Variants in PIWIL4 observed in about 807,000 individuals in gnomAD.
PIWIL4 encodes the protein piwi-like protein 4.
Under a neutral mutation model 100.9 loss-of-function variants are expected in PIWIL4, and 50 were observed. The ratio of observed to expected loss-of-function variants is 0.50; its 90% CI spans 0.39 to 0.63. The LOEUF is 0.63. Ranked by LOEUF, PIWIL4 falls within the 20% of genes least tolerant of loss-of-function variation. The pLI is 0.00. For missense variants in PIWIL4, 887 were observed against 1,043.3 expected, an observed-to-expected ratio of 0.85 and a Z score of 2.06; for synonymous variants, 342 against 367.5, an observed-to-expected ratio of 0.93 and a Z score of 0.79.
intron 16 of PIWIL4, among the ~76,000 whole-genome samples, chr11:94,617,551 ATATT>A (rs1167044604): frequency 6.6e-6 from 1 of 152,178 alleles, no homozygotes; most frequent in Non-Finnish European, 1.5e-5. Flanking sequence ...TTAGATTTTC[ATATT>A]TATTCTCATT....
At chr11:94,593,400 A>G in intron 8 of PIWIL4, 118 bp from the exon 9 acceptor site, 1 of 984,916 alleles carries the variant, frequency 1.0e-6, no homozygotes, top group Non-Finnish European at 1.4e-6. Context: ...GTAGGTAACT[A>G]TGGGATTGGT....
Position 94,621,076 on chromosome 11 carries a change from TG to T in PIWIL4, c.*85del. On this transcript the variant is annotated 3_prime_UTR_variant, in exon 20 of 20. Coordinates refer to ENST00000299001, the MANE Select transcript of PIWIL4 (RefSeq NM_152431.3). ...TGCAAATCTGCCATAAGCTCAAGGC[TG>T]TGACTGGGGAAAAAGATTGAGCTTA... 1.1e-6 allele frequency: 1 copy of T among 909,760 alleles called. No homozygotes were observed. Among genetic ancestry groups the T allele is most frequent in the Non-Finnish European group, 1.7e-6 (1 of 583,570 alleles). The allele number at this position is 909,760 out of a possible 1,614,324, so 56.4% of individuals were successfully genotyped here.
chr11:94,579,223 G>A (rs956033113), intron 4 of PIWIL4, among the ~76,000 whole-genome samples: 2 of 151,964 alleles, frequency 1.3e-5, no homozygotes, highest in Non-Finnish European at 2.9e-5. Flanking sequence ...CTACTTGCTC[G>A]ATCATAAGAA....
Position 94,567,532 on chromosome 11 carries a change from CCCGAGTGAAGGCCA to C in PIWIL4, c.15_28del (p.Val7HisfsTer20). ...CTCACCGGGAACATGAGTGGAAGAG[CCCGAGTGAAGGCCA>C]GAGGCATCGCCCGCAGCCCCAGTGC... On this transcript the variant is annotated frameshift_variant, in exon 1 of 20. Coordinates refer to ENST00000299001, the MANE Select transcript of PIWIL4 (RefSeq NM_152431.3). LOFTEE classifies it high-confidence loss of function. 6.2e-7 allele frequency: 1 copy of C among 1,600,244 alleles called. No homozygotes were observed. The highest frequency in any genetic ancestry group is 8.5e-7 in the Non-Finnish European group (1 of 1,173,738).
chr11:94,598,795 C>T (rs1948596074), intron 11 of PIWIL4, among the ~76,000 whole-genome samples: 1 of 147,912 alleles, frequency 6.8e-6, no homozygotes, highest in Non-Finnish European at 1.5e-5. Context: ...GCAGCCTTAA[C>T]CTCCTGGGCT....
At chr11:94,611,786 T>A (rs772413960) in intron 15 of PIWIL4, among the ~76,000 whole-genome samples, 36 of 152,322 alleles carry the variant, frequency 2.4e-4, no homozygotes, top group Non-Finnish European at 3.2e-4. Context: ...CCTTTCATGA[T>A]GATTATAAGC....
chr11:94,567,667 A>G (rs1948094921), intron 1 of PIWIL4, 62 bp downstream of exon 1: 1 of 1,465,560 alleles, frequency 6.8e-7, no homozygotes, highest in Admixed American at 2.2e-5. Flanking sequence ...TAGCCTGAAC[A>G]ATGCCTTCCT....
At chr11:94,606,788 C>G (rs1204241733) in intron 13 of PIWIL4, among the ~76,000 whole-genome samples, 1 of 148,840 alleles carries the variant, frequency 6.7e-6, no homozygotes, top group Non-Finnish European at 1.5e-5. Flanking sequence ...GAGCCAAGAT[C>G]GTGCCACTGC....
intron 4 of PIWIL4, among the ~76,000 whole-genome samples, chr11:94,581,486 TG>T (rs1482349447): frequency 1.3e-5 from 2 of 152,152 alleles, no homozygotes; most frequent in Non-Finnish European, 2.9e-5. Flanking sequence ...TAGGAAGGTG[TG>T]GGAGTTGTGA....
chr11:94,582,984 G>A (rs1308167976), intron 4 of PIWIL4, among the ~76,000 whole-genome samples: 1 of 151,992 alleles, frequency 6.6e-6, no homozygotes, highest in Non-Finnish European at 1.5e-5. Context: ...CTGAGTATCA[G>A]TGAATACCCT....
chr11:94,590,509 T>C (rs1371574417), intron 8 of PIWIL4, among the ~76,000 whole-genome samples: 1 of 152,194 alleles, frequency 6.6e-6, no homozygotes, highest in Non-Finnish European at 1.5e-5. Flanking sequence ...AATATAGTGC[T>C]TTTGCCTAGC....
intron 11 of PIWIL4, among the ~76,000 whole-genome samples, chr11:94,598,385 A>G (rs1948586597): frequency 6.6e-6 from 1 of 152,184 alleles, no homozygotes; most frequent in Non-Finnish European, 1.5e-5. Flanking sequence ...TGCTCAATGG[A>G]CATTAAAATC....
At chr11:94,597,091 A>G (rs1228505659) in intron 10 of PIWIL4, among the ~76,000 whole-genome samples, 1 of 152,238 alleles carries the variant, frequency 6.6e-6, no homozygotes, top group African/African-American at 2.4e-5. Flanking sequence ...AACATCAACT[A>G]TGATTAAAGC....
intron 4 of PIWIL4, among the ~76,000 whole-genome samples, chr11:94,581,004 A>G (rs1477570972): frequency 1.3e-5 from 2 of 149,986 alleles, no homozygotes; most frequent in East Asian, 2.0e-4. Flanking sequence ...GTTTCAAGCA[A>G]TTCTCCTGCC....
At chr11:94,567,817 C>A in intron 1 of PIWIL4, 2 of 1,181,072 alleles carry the variant, frequency 1.7e-6, no homozygotes, top group African/African-American at 3.1e-5. Context: ...GTATATTAGC[C>A]AGTAAAGAGG....
intron 15 of PIWIL4, among the ~76,000 whole-genome samples, chr11:94,609,277 C>T (rs554216458): frequency 5.2e-4 from 79 of 152,264 alleles, no homozygotes; most frequent in African/African-American, 1.8e-3. Context: ...AGACATTTGA[C>T]GTGGCTGTTG....
At chr11:94,582,610 T>C (rs926855128) in intron 4 of PIWIL4, among the ~76,000 whole-genome samples, 1 of 152,240 alleles carries the variant, frequency 6.6e-6, no homozygotes, top group Non-Finnish European at 1.5e-5. Flanking sequence ...GACTGATTTG[T>C]ATATTCCTTT....
chr11:94,599,347 C>T (rs1948604083), intron 11 of PIWIL4, among the ~76,000 whole-genome samples: 3 of 152,216 alleles, frequency 2.0e-5, no homozygotes, highest in Admixed American at 2.0e-4. Flanking sequence ...AACTCATGCA[C>T]TGGAGGTAGC....
intron 11 of PIWIL4, among the ~76,000 whole-genome samples, chr11:94,598,122 T>A (rs1186629127): frequency 1.3e-5 from 2 of 152,184 alleles, no homozygotes; most frequent in Non-Finnish European, 1.5e-5. Context: ...TGGACATGAT[T>A]TAGGTTAGTC....
Sources: gnomAD v4.1 joint callset for allele counts (sites outside exome capture counted in the v4.1 genomes callset) on GRCh38, gnomAD v4.1.1 for gene constraint, MANE v1.5 for transcripts, NCBI Gene and HGNC (gene_info 2026-07-23, HGNC 2026-07-21) for gene names.